The following MGMT variants were observed in gnomAD, a reference collection of about 807,000 sequenced individuals.
MGMT encodes methylated-DNA--protein-cysteine methyltransferase.
A neutral mutation model predicts 15.9 loss-of-function variants in MGMT; 14 were observed. The ratio of observed to expected loss-of-function variants is 0.88; its 90% CI spans 0.58 to 1.37. MGMT has a LOEUF of 1.37. MGMT is among the 40% of genes most tolerant of loss of function. MGMT has a pLI of 0.00. For missense variants in MGMT, 282 were observed against 268.1 expected (o/e 1.05, Z -0.36); for synonymous variants, 130 against 118.2 (o/e 1.10, Z -0.65).
rs181188352 is a variant in MGMT, at chr10:129,762,542, G to A, written c.414+3201G>A. Among the ~76,000 whole-genome samples, 23 of 152,198 alleles carry A rather than the reference G, an allele frequency of 1.5e-4. No individual in the cohort carries two copies. In the East Asian group the frequency reaches 4.5e-3, roughly 29 times the overall value. On this transcript the variant is annotated intron_variant, in intron 4 of 4. Coordinates refer to ENST00000651593, the MANE Select transcript of MGMT (RefSeq NM_002412.5). The stretch of plus-strand genomic sequence containing the variant: ...GGAAGGCTGTCTCCCCAACTCAGCG[G>A]GAGAGGATGGTCAGTTTCCCAGTAT...
At chr10:129,748,223 T>G (rs1396106904) in intron 3 of MGMT, among the ~76,000 whole-genome samples, 2 of 152,200 alleles carry the variant, frequency 1.3e-5, no homozygotes. Flanking sequence ...CACCTATTTC[T>G]GTATTCAGTC....
At chr10:129,550,559 G>A (rs1020565623) in intron 2 of MGMT, among the ~76,000 whole-genome samples, 3 of 151,538 alleles carry the variant, frequency 2.0e-5, no homozygotes, top group South Asian at 2.1e-4. Context: ...TGATTCTCGC[G>A]CCTCAGCCCC....
intron 1 of MGMT, among the ~76,000 whole-genome samples, chr10:129,506,728 C>G (rs955811731): frequency 4.6e-5 from 7 of 151,508 alleles, no homozygotes; most frequent in African/African-American, 1.7e-4. Context: ...CCATACTTCA[C>G]ATTTTTCTTT....
intron 3 of MGMT, among the ~76,000 whole-genome samples, chr10:129,745,757 C>G (rs777861865): frequency 3.6e-4 from 55 of 152,038 alleles, no homozygotes; most frequent in Non-Finnish European, 7.8e-4. Flanking sequence ...CTTATATCCT[C>G]TTTGGGGAAG....
intron 2 of MGMT, among the ~76,000 whole-genome samples, chr10:129,677,084 G>T (rs1424129187): frequency 2.0e-5 from 3 of 152,092 alleles, no homozygotes; most frequent in African/African-American, 7.2e-5. Flanking sequence ...TGGGCATGTG[G>T]TATGTGGGTG....
chr10:129,675,450 C>T (rs1229266374), intron 2 of MGMT, among the ~76,000 whole-genome samples: 5 of 152,142 alleles, frequency 3.3e-5, no homozygotes, highest in South Asian at 2.1e-4. Context: ...GGAGTGAAAA[C>T]GAGGACTTTG....
intron 2 of MGMT, among the ~76,000 whole-genome samples, chr10:129,540,558 G>A (rs574582899): frequency 6.6e-6 from 1 of 152,306 alleles, no homozygotes; most frequent in South Asian, 2.1e-4. Flanking sequence ...TTTCATGTAT[G>A]TGTTGACATA....
chr10:129,729,490 A>G (rs1848472458), intron 3 of MGMT, among the ~76,000 whole-genome samples: 1 of 152,248 alleles, frequency 6.6e-6, no homozygotes, highest in African/African-American at 2.4e-5. Context: ...TGAGCAACCA[A>G]AGTCAGCTGT....
intron 2 of MGMT, chr10:129,536,608 C>T (rs1314110210): frequency 2.2e-6 from 1 of 454,814 alleles, no homozygotes; most frequent in African/African-American, 2.0e-5. Context: ...GGGCCGTTCC[C>T]TTCATACCCT....
At chr10:129,537,691 C>T (rs902894746) in intron 2 of MGMT, among the ~76,000 whole-genome samples, 9 of 152,274 alleles carry the variant, frequency 5.9e-5, no homozygotes, top group South Asian at 2.1e-4. Context: ...AGGATGAAGA[C>T]GCTTAATTTT....
intron 2 of MGMT, among the ~76,000 whole-genome samples, chr10:129,545,550 A>G (rs776254479): frequency 1.3e-5 from 2 of 152,156 alleles, no homozygotes; most frequent in Non-Finnish European, 2.9e-5. Context: ...AAAAGCTGAG[A>G]TGAAACAAAA....
intron 3 of MGMT, among the ~76,000 whole-genome samples, chr10:129,731,359 T>A (rs1848495367): frequency 1.2e-5 from 1 of 84,014 alleles, no homozygotes; most frequent in Non-Finnish European, 2.7e-5. Flanking sequence ...CCTAAGACTT[T>A]TTTTTTTTTT....
At chr10:129,643,166 G>A (rs1847347799) in intron 2 of MGMT, among the ~76,000 whole-genome samples, 1 of 152,078 alleles carries the variant, frequency 6.6e-6, no homozygotes, top group South Asian at 2.1e-4. Context: ...TCATCCTTGG[G>A]CCCATGCTGT....
intron 2 of MGMT, among the ~76,000 whole-genome samples, chr10:129,665,745 G>A (rs1847651920): frequency 6.6e-6 from 1 of 152,170 alleles, no homozygotes; most frequent in African/African-American, 2.4e-5. Context: ...CAACAAGGGT[G>A]AGTTTTACTT....
chr10:129,650,174 C>T (rs1381469398), intron 2 of MGMT, among the ~76,000 whole-genome samples: 1 of 152,186 alleles, frequency 6.6e-6, no homozygotes, highest in Admixed American at 6.5e-5. Flanking sequence ...CCCTGGATGA[C>T]GGGTCCTAGT....
intron 2 of MGMT, among the ~76,000 whole-genome samples, chr10:129,654,963 C>T (rs970121156): frequency 1.3e-5 from 2 of 152,164 alleles, no homozygotes; most frequent in Non-Finnish European, 2.9e-5. Flanking sequence ...TTATAATGGT[C>T]TTTGCAAATT....
At chr10:129,724,226 GACAC>G (rs766612786) in intron 3 of MGMT, among the ~76,000 whole-genome samples, 52 of 152,264 alleles carry the variant, frequency 3.4e-4, no homozygotes, top group South Asian at 1.0e-3. Context: ...ATAATCCACA[GACAC>G]ACACAGCCTC....
chr10:129,602,004 A>G (rs1338072483), intron 2 of MGMT, among the ~76,000 whole-genome samples: 1 of 152,208 alleles, frequency 6.6e-6, no homozygotes, highest in Admixed American at 6.5e-5. Context: ...TGAGCCTTTG[A>G]CTGGCGACAG....
intron 2 of MGMT, among the ~76,000 whole-genome samples, chr10:129,667,685 T>C (rs1847675445): frequency 6.6e-6 from 1 of 152,184 alleles, no homozygotes; most frequent in African/African-American, 2.4e-5. Flanking sequence ...TTATTGTTAG[T>C]TTTCCAGTGT....
Sources: allele counts gnomAD v4.1 joint callset (sites outside exome capture counted in the v4.1 genomes callset), GRCh38; gene constraint gnomAD v4.1.1; transcripts MANE v1.5; gene names NCBI Gene and HGNC (gene_info 2026-07-23, HGNC 2026-07-21).